The following EPHA3 variants were observed in gnomAD, a reference collection of about 807,000 sequenced individuals.
EPHA3 encodes the protein ephrin type-A receptor 3.
A neutral mutation model predicts 107.1 loss-of-function variants in EPHA3; 42 were observed. The observed-to-expected ratio is 0.39, with a 90% CI of 0.31 to 0.51. The LOEUF is 0.51. Ranked by LOEUF, EPHA3 falls within the 20% of genes least tolerant of loss-of-function variation. EPHA3 has a pLI of 0.78. For synonymous variants in EPHA3, 461 were observed against 424.8 expected (o/e 1.09, Z -1.05); for missense variants, 1,183 against 1,211.2 (o/e 0.98, Z 0.35).
At chr3:89,212,072 T>A (rs1176203050) in intron 3 of EPHA3, among the ~76,000 whole-genome samples, 1 of 151,760 alleles carries the variant, frequency 6.6e-6, no homozygotes, top group African/African-American at 2.4e-5. Flanking sequence ...AAAATAACTA[T>A]GCAAGCTTAA....
intron 2 of EPHA3, among the ~76,000 whole-genome samples, chr3:89,136,330 C>CTTTTT (rs67054298): frequency 0.011 from 248 of 23,384 alleles, 67 homozygotes; most frequent in Middle Eastern, 0.059. Context: ...ATCTTACAGG[C>CTTTTT]TTTTTTTTTT....
chr3:89,371,522 A>G (rs1708302586), intron 5 of EPHA3, among the ~76,000 whole-genome samples: 1 of 151,724 alleles, frequency 6.6e-6, no homozygotes. Context: ...GGGCTGGTTT[A>G]TTTGTATTCC....
chr3:89,202,552 T>TAC, intron 2 of EPHA3, among the ~76,000 whole-genome samples: 1 of 145,606 alleles, frequency 6.9e-6, no homozygotes, highest in East Asian at 2.0e-4. Flanking sequence ...TATATATATA[T>TAC]ATATATATGA....
intron 3 of EPHA3, among the ~76,000 whole-genome samples, chr3:89,304,693 GTTAA>G (rs2107350719): frequency 6.6e-6 from 1 of 152,112 alleles, no homozygotes; most frequent in East Asian, 1.9e-4. Flanking sequence ...CATTTTTCAT[GTTAA>G]TTATTATATC....
intron 3 of EPHA3, among the ~76,000 whole-genome samples, chr3:89,253,021 G>T (rs6551409): frequency 0.51 from 76,882 of 151,524 alleles, 20,701 homozygotes; most frequent in African/African-American, 0.69. Context: ...CATTGCCAGA[G>T]GCTGTTTAGT....
chr3:89,236,126 T>C (rs913497752), intron 3 of EPHA3, among the ~76,000 whole-genome samples: 2 of 152,132 alleles, frequency 1.3e-5, no homozygotes, highest in African/African-American at 2.4e-5. Flanking sequence ...ACATCTTCCA[T>C]CTAAATTTAA....
chr3:89,180,924 G>T (rs538281022), intron 2 of EPHA3, among the ~76,000 whole-genome samples: 4 of 151,960 alleles, frequency 2.6e-5, no homozygotes, highest in Non-Finnish European at 5.9e-5. Flanking sequence ...GAAAAAAAGA[G>T]ATTTTGTCAC....
intron 2 of EPHA3, among the ~76,000 whole-genome samples, chr3:89,183,216 C>A (rs1471819882): frequency 1.3e-5 from 2 of 151,940 alleles, no homozygotes; most frequent in Non-Finnish European, 2.9e-5. Context: ...ATGTACCTTT[C>A]TATATATTGT....
chr3:89,137,184 A>G (rs1006015426), intron 2 of EPHA3, among the ~76,000 whole-genome samples: 1 of 151,994 alleles, frequency 6.6e-6, no homozygotes, highest in Non-Finnish European at 1.5e-5. Context: ...AATATTTTAT[A>G]AAGAGTATAT....
chr3:89,447,051 A>G (rs1709889509), intron 13 of EPHA3, among the ~76,000 whole-genome samples: 1 of 152,192 alleles, frequency 6.6e-6, no homozygotes, highest in Admixed American at 6.6e-5. Context: ...ATTCTGTTCA[A>G]TGCCACATGT....
chr3:89,328,951 C>G (rs1329688464), intron 3 of EPHA3, among the ~76,000 whole-genome samples: 1 of 152,202 alleles, frequency 6.6e-6, no homozygotes, highest in East Asian at 1.9e-4. Flanking sequence ...TCAAAGGCAA[C>G]AAAATGTGTG....
chr3:89,345,723 G>A (rs529995618), intron 5 of EPHA3, among the ~76,000 whole-genome samples: 5 of 140,492 alleles, frequency 3.6e-5, no homozygotes, highest in East Asian at 2.1e-4. Context: ...CCACTAACTC[G>A]TCATCTAGCA....
Position 89,454,462 on chromosome 3 carries a change from C to G in EPHA3, c.2690+4092C>G, listed in dbSNP as rs139057957. Among the ~76,000 whole-genome samples the G allele has an allele frequency of 5.3e-5, 8 of 152,262 alleles. No individual in the cohort carries two copies. In the East Asian group the frequency reaches 1.5e-3, roughly 29 times the overall value. On this transcript the variant is annotated intron_variant, in intron 15 of 16. Coordinates refer to ENST00000336596, the MANE Select transcript of EPHA3 (RefSeq NM_005233.6). Reference sequence around the variant, plus strand: ...TCATCTGGATCAATGAGATCTATCTCTATCCCTTTTCACTGAAAACACTCT... The same window carrying G: ...TCATCTGGATCAATGAGATCTATCTGTATCCCTTTTCACTGAAAACACTCT...
intron 3 of EPHA3, among the ~76,000 whole-genome samples, chr3:89,326,401 T>A (rs1707167139): frequency 6.6e-6 from 1 of 152,140 alleles, no homozygotes; most frequent in Non-Finnish European, 1.5e-5. Context: ...CAACCATCTT[T>A]TTTTTGAGAC....
Position 89,209,936 on chromosome 3 carries a change from G to T in EPHA3, c.230G>T (p.Ser77Ile). ...TYQVCNVMDH[S>I]QNNWLRTNWV... ...CAGGTGTGCAATGTCATGGACCACA[G>T]TCAAAACAATTGGCTGAGAACAAAC... The change falls in exon 3 of 17, where the codon AGT (serine) becomes ATT (isoleucine). Residue 77 changes from serine to isoleucine, a missense_variant. Ser to Ile is a moderately radical substitution (Grantham distance 142). Transcript: ENST00000336596. 1 of 1,613,878 alleles carries T rather than the reference G, an allele frequency of 6.2e-7. No individual in the cohort carries two copies. The highest frequency in any genetic ancestry group is 8.5e-7 in the Non-Finnish European group (1 of 1,179,904).
chr3:89,301,084 A>G (rs1706476739), intron 3 of EPHA3, among the ~76,000 whole-genome samples: 1 of 152,106 alleles, frequency 6.6e-6, no homozygotes, highest in African/African-American at 2.4e-5. Flanking sequence ...AATGATCTAG[A>G]GTCAAACCTG....
chr3:89,427,794 G>A (rs1709489236), intron 11 of EPHA3, among the ~76,000 whole-genome samples: 1 of 151,816 alleles, frequency 6.6e-6, no homozygotes, highest in South Asian at 2.1e-4. Context: ...TAAGTAAGCT[G>A]TGAGGATTAA....
At chr3:89,402,743 G>A (rs1708989311) in intron 7 of EPHA3, among the ~76,000 whole-genome samples, 1 of 151,978 alleles carries the variant, frequency 6.6e-6, no homozygotes, top group African/African-American at 2.4e-5. Context: ...TCGCCCAGGT[G>A]GGAATGCAGT....
At chr3:89,128,166 G>T (rs138584422) in intron 2 of EPHA3, among the ~76,000 whole-genome samples, 625 of 152,168 alleles carry the variant, frequency 4.1e-3, no homozygotes, top group Non-Finnish European at 5.9e-3. Context: ...TCGTGTTGGC[G>T]TTCAGTCTTT....
Sources: gnomAD v4.1 joint callset for allele counts (sites outside exome capture counted in the v4.1 genomes callset) on GRCh38, gnomAD v4.1.1 for gene constraint, MANE v1.5 for transcripts, NCBI Gene and HGNC (gene_info 2026-07-23, HGNC 2026-07-21) for gene names.